ZNF423: variants seen among roughly 807,000 people sequenced by gnomAD.
The protein encoded by ZNF423 is Ebf-associated zinc finger protein.
ZNF423 carries 12 observed loss-of-function variants against 95.8 expected under a neutral mutation model. The observed-to-expected ratio is 0.13, with a 90% CI of 0.08 to 0.20. The LOEUF is 0.20. ZNF423 is among the 10% of genes least tolerant of loss of function. The probability of loss-of-function intolerance (pLI) is 1.00; values close to 1 mark genes in which losing one functional copy is unlikely to be tolerated. For synonymous variants in ZNF423, 749 were observed against 711.9 expected (o/e 1.05, Z -0.83); for missense variants, 1,316 against 1,737.1 (o/e 0.76, Z 4.31).
chr16:49,622,832 T>C (rs1052811176), intron 5 of ZNF423, among the ~76,000 whole-genome samples: 3 of 152,336 alleles, frequency 2.0e-5, no homozygotes, highest in South Asian at 2.1e-4. Context: ...GCCTGGCACA[T>C]AGAAAGGCTG....
At chr16:49,749,544 A>C (rs1484775159) in intron 2 of ZNF423, among the ~76,000 whole-genome samples, 1 of 152,262 alleles carries the variant, frequency 6.6e-6, no homozygotes, top group African/African-American at 2.4e-5. Flanking sequence ...GGCTGTGACC[A>C]CTTTGATGAG....
intron 5 of ZNF423, among the ~76,000 whole-genome samples, chr16:49,564,643 A>G (rs886606092): frequency 1.3e-5 from 2 of 152,204 alleles, no homozygotes; most frequent in African/African-American, 4.8e-5. Context: ...GAATCACCCT[A>G]CCATTTCAGC....
intron 7 of ZNF423, among the ~76,000 whole-genome samples, chr16:49,520,810 C>T (rs1182758743): frequency 6.6e-6 from 1 of 152,204 alleles, no homozygotes; most frequent in African/African-American, 2.4e-5. Context: ...CTGAAAAACC[C>T]TCCTCTCAAA....
chr16:49,660,176 C>A (rs1011730167), intron 3 of ZNF423, among the ~76,000 whole-genome samples: 2 of 152,182 alleles, frequency 1.3e-5, no homozygotes, highest in Admixed American at 6.5e-5. Flanking sequence ...GGAGCCCCCA[C>A]AAGGTGCCTG....
chr16:49,819,904 T>C (rs984045157), intron 1 of ZNF423, among the ~76,000 whole-genome samples: 3 of 152,186 alleles, frequency 2.0e-5, no homozygotes, highest in South Asian at 2.1e-4. Context: ...AAATAGGCTT[T>C]GTGTTAGATT....
rs753225898 is a variant in ZNF423 at position 49,638,115 on chromosome 16, C to T, written c.1061G>A (p.Arg354Gln). 14 of 1,613,052 alleles carry T rather than the reference C, an allele frequency of 8.7e-6. No individual in the cohort carries two copies. Among genetic ancestry groups the T allele is most frequent in the South Asian group, 4.4e-5 (4 of 91,066 alleles). The change falls in exon 4 of 8, where the codon CGG (arginine) becomes CAG (glutamine). Residue 354 changes from arginine (R) to glutamine (Q), a missense_variant. Arg to Gln is a conservative substitution (Grantham distance 43, BLOSUM62 1). This residue lies in a region of ZNF423 where 399 missense variants were observed against 478.5 expected (regional missense o/e 0.83). Transcript: ENST00000563137. The surrounding 1 kb of genome is among the most constrained non-coding windows in gnomAD (Gnocchi z 5.6). ...EGVYCHLDSHRQPDSSNHSVS... is the reference protein window; with the variant it reads ...EGVYCHLDSHQQPDSSNHSVS... ...ACTGTGGTTGCTGGAGTCGGGCTGC[C>T]GGTGGCTGTCCAGGTGGCAGTAGAC...
chr16:49,673,297 C>T, intron 3 of ZNF423, among the ~76,000 whole-genome samples: 1 of 152,248 alleles, frequency 6.6e-6, no homozygotes, highest in East Asian at 1.9e-4. Flanking sequence ...CCCTGGTCAT[C>T]TCCAACTTCT....
upstream of ZNF423, chr16:49,856,121 A>G (rs1372538202): frequency 7.7e-6 from 1 of 129,962 alleles, no homozygotes; most frequent in Non-Finnish European, 1.6e-5. Context: ...TGCAAAAAAA[A>G]AAAAAAAAAA....
At chr16:49,529,780 G>A (rs1968770696) in intron 5 of ZNF423, among the ~76,000 whole-genome samples, 1 of 152,166 alleles carries the variant, frequency 6.6e-6, no homozygotes. Flanking sequence ...TTGCTGCCTG[G>A]GAGGGAGGAG....
intron 3 of ZNF423, among the ~76,000 whole-genome samples, chr16:49,709,168 T>TTTTATATATATATATATATA (rs68002485): frequency 2.1e-5 from 2 of 93,418 alleles, no homozygotes; most frequent in Admixed American, 1.0e-4. Context: ...CAGCAGCCGT[T>TTTTATATATATATATATATA]TATATATATA....
intron 5 of ZNF423, among the ~76,000 whole-genome samples, chr16:49,583,655 T>A (rs1460329827): frequency 6.6e-6 from 1 of 152,204 alleles, no homozygotes; most frequent in Non-Finnish European, 1.5e-5. Flanking sequence ...TCAAGCTCAA[T>A]GACCATTACC....
At chr16:49,524,687 C>T (rs897682945) in intron 6 of ZNF423, among the ~76,000 whole-genome samples, 1 of 152,218 alleles carries the variant, frequency 6.6e-6, no homozygotes, top group Admixed American at 6.5e-5. Context: ...TTCAGAGATA[C>T]CCTCCTGCCA....
intron 3 of ZNF423, among the ~76,000 whole-genome samples, chr16:49,696,341 T>C (rs1424211743): frequency 6.6e-6 from 1 of 152,192 alleles, no homozygotes; most frequent in Non-Finnish European, 1.5e-5. Flanking sequence ...ATTATTGACA[T>C]GAAAGGCTAG....
Position 49,488,003 on chromosome 16 carries a change from T to A in ZNF423, c.*3272A>T, listed in dbSNP as rs968744950. The A allele has an allele frequency of 6.6e-6, 1 of 152,242 alleles. No homozygotes were observed. Among genetic ancestry groups the A allele is most frequent in the Admixed American group, 6.5e-5 (1 of 15,288 alleles). The allele number at this position is 152,242 out of a possible 1,614,324, so 9.4% of individuals were successfully genotyped here. A position where few individuals can be genotyped will look rare whatever the true frequency, so the allele number is the denominator to read the frequency against. The stretch of plus-strand genomic sequence containing the variant: ...CTTGCCTGTGCCACTGTGGCCTCCA[T>A]GAGGCCAGGGACCACATCTGCTGGT... On this transcript the variant is annotated 3_prime_UTR_variant, in exon 8 of 8. Coordinates refer to ENST00000563137, the MANE Select transcript of ZNF423 (RefSeq NM_001379286.1).
At chr16:49,853,977 C>T (rs2035329071) in intron 1 of ZNF423, 3 of 985,310 alleles carry the variant, frequency 3.0e-6, no homozygotes, top group Non-Finnish European at 3.6e-6. Flanking sequence ...TCTGGGTCGC[C>T]TCTTAAGTGG....
At chr16:49,556,948 G>A (rs1057504453) in intron 5 of ZNF423, among the ~76,000 whole-genome samples, 5 of 152,106 alleles carry the variant, frequency 3.3e-5, no homozygotes, top group Admixed American at 6.5e-5. Flanking sequence ...AAAAATATTG[G>A]TGGGAGAAGG....
chr16:49,730,465 A>G (rs893609738), intron 3 of ZNF423: 2 of 423,192 alleles, frequency 4.7e-6, no homozygotes, highest in Non-Finnish European at 8.5e-6. Flanking sequence ...GCGTTTCCAA[A>G]AGGCCTTCCA....
chr16:49,598,282 C>T (rs981670716), intron 5 of ZNF423, among the ~76,000 whole-genome samples: 23 of 152,238 alleles, frequency 1.5e-4, no homozygotes, highest in African/African-American at 5.3e-4. Context: ...GCCTCCATTT[C>T]CTCATCTGTC....
At chr16:49,715,656 G>C (rs909266079) in intron 3 of ZNF423, among the ~76,000 whole-genome samples, 13 of 152,260 alleles carry the variant, frequency 8.5e-5, no homozygotes, top group African/African-American at 3.1e-4. Flanking sequence ...GAGGTGGGAA[G>C]ATGGCTTGAG....
Sources: allele counts gnomAD v4.1 joint callset (sites outside exome capture counted in the v4.1 genomes callset), GRCh38; gene constraint gnomAD v4.1.1; regional missense constraint gnomAD v4.1.1; non-coding constraint Gnocchi (gnomAD v3.1); transcripts MANE v1.5; gene names NCBI Gene and HGNC (gene_info 2026-07-23, HGNC 2026-07-21).